Variants in RBPJ observed in about 807,000 individuals in gnomAD.
The protein encoded by RBPJ is recombining binding protein suppressor of hairless.
A neutral mutation model predicts 67.8 loss-of-function variants in RBPJ; 9 were observed. That is an observed-to-expected ratio of 0.13 (90% CI 0.08 to 0.23). RBPJ has a LOEUF of 0.23. RBPJ is among the 10% of genes least tolerant of loss of function. The pLI, the probability that RBPJ is intolerant of heterozygous loss-of-function variation, is 1.00. For synonymous variants in RBPJ, 198 were observed against 203.3 expected, an observed-to-expected ratio of 0.97 and a Z score of 0.22; for missense variants, 305 against 595.6, an observed-to-expected ratio of 0.51 and a Z score of 5.08.
chr4:26,361,820 A>G (rs975776954), intron 1 of RBPJ, among the ~76,000 whole-genome samples: 1 of 152,134 alleles, frequency 6.6e-6, no homozygotes, highest in Admixed American at 6.5e-5. Context: ...AATATTTTTT[A>G]TGTTTTTATG....
intron 1 of RBPJ, among the ~76,000 whole-genome samples, chr4:26,174,750 T>G (rs1434610653): frequency 6.6e-6 from 1 of 152,134 alleles, no homozygotes; most frequent in Non-Finnish European, 1.5e-5. Context: ...GATTACAGGC[T>G]TGAGCCACTG....
At chr4:26,185,152 A>G (rs540399446) in intron 1 of RBPJ, among the ~76,000 whole-genome samples, 1 of 151,692 alleles carries the variant, frequency 6.6e-6, no homozygotes, top group East Asian at 1.9e-4. Context: ...AAAAAAAAAA[A>G]AAAGAAAAGA....
the RBPJ span, among the ~76,000 whole-genome samples, chr4:26,136,484 A>G: frequency 6.6e-6 from 1 of 152,166 alleles, no homozygotes; most frequent in Non-Finnish European, 1.5e-5. Context: ...AATGACCCAG[A>G]AGCAAGAGAC....
intron 1 of RBPJ, among the ~76,000 whole-genome samples, chr4:26,340,553 G>A (rs1052272229): frequency 1.1e-4 from 17 of 152,068 alleles, no homozygotes; most frequent in Non-Finnish European, 1.5e-5. Context: ...AGATGATGCT[G>A]ATAGTAAGAA....
chr4:26,169,425 T>A (rs1716466407), intron 1 of RBPJ, among the ~76,000 whole-genome samples: 1 of 152,242 alleles, frequency 6.6e-6, no homozygotes, highest in Admixed American at 6.5e-5. Flanking sequence ...TGATCGTTCC[T>A]CTGGAAATTT....
chr4:26,186,895 A>C (rs1717284630), intron 1 of RBPJ, among the ~76,000 whole-genome samples: 1 of 152,170 alleles, frequency 6.6e-6, no homozygotes, highest in Non-Finnish European at 1.5e-5. Context: ...ATACCCCAGC[A>C]ATTTGCCCCT....
chr4:26,235,361 A>T (rs1223305842), intron 1 of RBPJ, among the ~76,000 whole-genome samples: 1 of 152,258 alleles, frequency 6.6e-6, no homozygotes, highest in Non-Finnish European at 1.5e-5. Context: ...GACCTAAATA[A>T]GATGTGTAAC....
At chr4:26,271,988 G>GT (rs1720932383) in intron 1 of RBPJ, among the ~76,000 whole-genome samples, 2 of 152,272 alleles carry the variant, frequency 1.3e-5, no homozygotes, top group African/African-American at 4.8e-5. Flanking sequence ...ATTTCTGTAG[G>GT]GCCAGTGCCT....
intron 2 of RBPJ, among the ~76,000 whole-genome samples, chr4:26,400,304 A>G (rs2109712783): frequency 6.6e-6 from 1 of 152,322 alleles, no homozygotes; most frequent in East Asian, 1.9e-4. Context: ...TTTAGTTGTC[A>G]TAATTCAAGG....
the RBPJ span, among the ~76,000 whole-genome samples, chr4:26,143,325 ATCT>A: frequency 6.6e-6 from 1 of 152,190 alleles, no homozygotes; most frequent in Non-Finnish European, 1.5e-5. Context: ...AGCCAAGGAA[ATCT>A]TCTTAACAGG....
At chr4:26,188,020 C>T (rs1463223620) in intron 1 of RBPJ, among the ~76,000 whole-genome samples, 1 of 152,090 alleles carries the variant, frequency 6.6e-6, no homozygotes, top group Non-Finnish European at 1.5e-5. Flanking sequence ...GAGCGAGACT[C>T]TGTCTCAAAA....
chr4:26,418,967 G>GT (rs1359764587), intron 4 of RBPJ, among the ~76,000 whole-genome samples: 2 of 152,054 alleles, frequency 1.3e-5, no homozygotes, highest in Admixed American at 6.6e-5. Context: ...AAGTACTGTT[G>GT]TTTTTTGTTT....
chr4:26,388,150 A>G (rs1005869552), intron 2 of RBPJ, among the ~76,000 whole-genome samples: 11 of 152,142 alleles, frequency 7.2e-5, no homozygotes, highest in African/African-American at 2.7e-4. Context: ...TAAGAACATT[A>G]AAACAGTAAA....
the RBPJ span, among the ~76,000 whole-genome samples, chr4:26,114,497 A>ATATATATATATATATATGTG: frequency 7.1e-6 from 1 of 140,074 alleles, no homozygotes; most frequent in African/African-American, 2.8e-5. Flanking sequence ...ATATATATAT[A>ATATATATATATATATATGTG]TGTATGTGTG....
At chr4:26,320,564 C>A, upstream of RBPJ, 1 of 547,910 alleles carries the variant, frequency 1.8e-6, no homozygotes, top group Non-Finnish European at 3.1e-6. Context: ...TTGGAAAACA[C>A]CCATTGAGGA....
chr4:26,182,554 C>G (rs1717047872), intron 1 of RBPJ, among the ~76,000 whole-genome samples: 1 of 150,320 alleles, frequency 6.7e-6, no homozygotes, highest in Non-Finnish European at 1.5e-5. Flanking sequence ...AGGGCAGTGG[C>G]CTGATCACGG....
At chr4:26,346,445 A>G (rs549047094) in intron 1 of RBPJ, among the ~76,000 whole-genome samples, 41 of 152,204 alleles carry the variant, frequency 2.7e-4, no homozygotes, top group Non-Finnish European at 4.7e-4. Flanking sequence ...GGCAGGTGCC[A>G]TCTTATCTAC....
rs184841411 is a variant in RBPJ, at chr4:26,255,540, A to T, written c.-167+91926A>T. On this transcript the variant is annotated intron_variant, in intron 1 of 4. Coordinates refer to the RBPJ transcript ENST00000512351. ...AAATTCGGCCGGGCGTGGTGGCTCA[A>T]GCCTGTAATCCCAGCACTTTGGGAG... Among the ~76,000 whole-genome samples the T allele has an allele frequency of 4.7e-5, 7 of 150,474 alleles. No homozygotes were observed. The South Asian group carries it at 6.3e-4, about 14-fold the overall frequency.
chr4:26,191,257 G>GA lies in RBPJ; in HGVS notation c.-167+27643_-167+27644insA, dbSNP rs1560204281. ...GAGAGAGAGATAGAGAGAGAGAGAG[G>GA]GAGAGAGGGAGAGAGAGATCGTATC... On this transcript the variant is annotated intron_variant, in intron 1 of 4. Coordinates refer to the RBPJ transcript ENST00000512351. Among the ~76,000 whole-genome samples the GA allele has an allele frequency of 5.2e-3, 603 of 116,294 alleles. 8 individuals are homozygous for GA. Among genetic ancestry groups the GA allele is most frequent in the African/African-American group, 0.019 (572 of 30,278 alleles). 76.3% of individuals were successfully genotyped at this position (116,294 alleles called of 152,430 possible).
Sources: allele counts gnomAD v4.1 joint callset (sites outside exome capture counted in the v4.1 genomes callset), GRCh38; gene constraint gnomAD v4.1.1; transcripts MANE v1.5; gene names NCBI Gene and HGNC (gene_info 2026-07-23, HGNC 2026-07-21).